PARP8: variants seen among roughly 807,000 people sequenced by gnomAD.
The protein encoded by PARP8 is protein mono-ADP-ribosyltransferase PARP8.
Under a neutral mutation model 124.1 loss-of-function variants are expected in PARP8, and 51 were observed. That is an observed-to-expected ratio of 0.41 (90% CI 0.33 to 0.52). PARP8 has a LOEUF of 0.52. Ranked by LOEUF, PARP8 falls within the 20% of genes least tolerant of loss-of-function variation. PARP8 has a pLI of 0.21. For missense variants in PARP8, 860 were observed against 1,018.9 expected, an observed-to-expected ratio of 0.84 and a Z score of 2.12; for synonymous variants, 391 against 361.5, an observed-to-expected ratio of 1.08 and a Z score of -0.93.
chr5:50,774,332 G>A (rs1474986074), intron 7 of PARP8, among the ~76,000 whole-genome samples: 6 of 152,088 alleles, frequency 3.9e-5, no homozygotes, highest in South Asian at 2.1e-4. Flanking sequence ...ATCATGGCCC[G>A]TTCTCGATGG....
chr5:50,679,544 C>A (rs927268557), intron 2 of PARP8, among the ~76,000 whole-genome samples: 11 of 152,146 alleles, frequency 7.2e-5, no homozygotes, highest in African/African-American at 2.7e-4. Flanking sequence ...GGCCACCCTC[C>A]CATATCCTTA....
intron 2 of PARP8, among the ~76,000 whole-genome samples, chr5:50,734,422 A>G (rs1339116345): frequency 1.3e-5 from 2 of 152,166 alleles, no homozygotes; most frequent in Non-Finnish European, 2.9e-5. Context: ...TGGAGAACTA[A>G]AGTCATGAGG....
At chr5:50,668,791 A>G (rs1749664623) in intron 2 of PARP8, 1 of 152,304 alleles carries the variant, frequency 6.6e-6, no homozygotes, top group African/African-American at 2.4e-5. Context: ...CCATTCAAAT[A>G]CTATGCCTTG....
intron 10 of PARP8, among the ~76,000 whole-genome samples, chr5:50,789,414 C>T (rs112656118): frequency 2.0e-5 from 3 of 152,212 alleles, no homozygotes; most frequent in African/African-American, 7.2e-5. Context: ...AGGCACAGAA[C>T]TTTGGGACCC....
chr5:50,774,750 C>T (rs1261367234), intron 7 of PARP8, among the ~76,000 whole-genome samples: 23 of 133,688 alleles, frequency 1.7e-4, no homozygotes, highest in African/African-American at 4.3e-4. Context: ...GGGGCAGAGG[C>T]GCTCCTCACT....
intron 15 of PARP8, among the ~76,000 whole-genome samples, chr5:50,820,573 C>T (rs940340301): frequency 6.6e-6 from 1 of 152,148 alleles, no homozygotes; most frequent in African/African-American, 2.4e-5. Context: ...CATTAGTGGA[C>T]TTGGATAGAG....
chr5:50,779,377 T>C (rs1248413077), intron 9 of PARP8, among the ~76,000 whole-genome samples: 1 of 152,184 alleles, frequency 6.6e-6, no homozygotes, highest in African/African-American at 2.4e-5. Flanking sequence ...TTTGCAGTTA[T>C]GTGTGGGTGG....
chr5:50,747,166 T>TTTTTTTTTTTTTTTTTG (rs1758666870), intron 2 of PARP8, among the ~76,000 whole-genome samples: 1 of 141,782 alleles, frequency 7.1e-6, no homozygotes, highest in African/African-American at 2.6e-5. Flanking sequence ...TTGTTTTGTT[T>TTTTTTTTTTTTTTTTTG]TTTTTTTTTT....
intron 2 of PARP8, among the ~76,000 whole-genome samples, chr5:50,725,587 C>A (rs1756344082): frequency 6.6e-6 from 1 of 152,104 alleles, no homozygotes; most frequent in African/African-American, 2.4e-5. Context: ...TTCATGTGTT[C>A]ACTGCTAATA....
chr5:50,781,780 A>G (rs576840560), intron 9 of PARP8, among the ~76,000 whole-genome samples: 107 of 151,910 alleles, frequency 7.0e-4, no homozygotes, highest in Non-Finnish European at 1.1e-3. Context: ...TGGCCTAGCT[A>G]CTCTGTTTCA....
At chr5:50,726,885 G>A (rs555669613) in intron 2 of PARP8, among the ~76,000 whole-genome samples, 1 of 152,166 alleles carries the variant, frequency 6.6e-6, no homozygotes, top group African/African-American at 2.4e-5. Flanking sequence ...TTGTATTTTA[G>A]AATAACACAT....
At chr5:50,690,023 T>C (rs1752328865) in intron 2 of PARP8, among the ~76,000 whole-genome samples, 1 of 152,212 alleles carries the variant, frequency 6.6e-6, no homozygotes, top group Non-Finnish European at 1.5e-5. Context: ...GCTCTTCTAC[T>C]TCTCTGTGAA....
rs951741563 is a variant in PARP8 at position 50,712,058 on chromosome 5, A to G, written c.147-38093A>G. 3.3e-5 allele frequency among the ~76,000 whole-genome samples: 5 copies of G among 152,142 alleles called. No individual in the cohort carries two copies. In the South Asian group the frequency reaches 6.2e-4, roughly 19 times the overall value. ...TTCTGACAGATATTTATGGTGCAAT[A>G]TAAGTTTATTCTTTATCAATTTTAA... On this transcript the variant is annotated intron_variant, in intron 2 of 25. Coordinates refer to ENST00000281631, the MANE Select transcript of PARP8 (RefSeq NM_024615.4).
chr5:50,673,542 G>A (rs1750279928), intron 2 of PARP8, among the ~76,000 whole-genome samples: 1 of 152,092 alleles, frequency 6.6e-6, no homozygotes, highest in African/African-American at 2.4e-5. Flanking sequence ...AGAGGCTTGG[G>A]TGATTTAAGT....
intron 14 of PARP8, among the ~76,000 whole-genome samples, chr5:50,800,778 CA>C (rs1411153128): frequency 7.4e-6 from 1 of 135,814 alleles, no homozygotes; most frequent in African/African-American, 2.7e-5. Context: ...TTTTTTGAAA[CA>C]GGGGTCTTAC....
At chr5:50,806,528 A>G (rs1377333237) in intron 14 of PARP8, among the ~76,000 whole-genome samples, 6 of 152,090 alleles carry the variant, frequency 3.9e-5, no homozygotes, top group Admixed American at 1.3e-4. Context: ...TTTATAAGCA[A>G]GAGAGAAAAC....
chr5:50,785,177 T>G (rs1159797097), intron 9 of PARP8, among the ~76,000 whole-genome samples: 3 of 152,150 alleles, frequency 2.0e-5, no homozygotes, highest in African/African-American at 7.2e-5. Context: ...TCATTTAGAT[T>G]TTATGCTATT....
chr5:50,818,109 T>C (rs964066155), intron 15 of PARP8, among the ~76,000 whole-genome samples: 1 of 151,872 alleles, frequency 6.6e-6, no homozygotes. Context: ...GCATGCATCA[T>C]ATATACTAAG....
chr5:50,673,562 T>G (rs1227345535), intron 2 of PARP8, among the ~76,000 whole-genome samples: 6 of 152,134 alleles, frequency 3.9e-5, no homozygotes, highest in African/African-American at 1.2e-4. Flanking sequence ...TAAGTTACAG[T>G]TAGTAAGAGC....
Sources: allele counts gnomAD v4.1 joint callset (sites outside exome capture counted in the v4.1 genomes callset), GRCh38; gene constraint gnomAD v4.1.1; transcripts MANE v1.5; gene names NCBI Gene and HGNC (gene_info 2026-07-23, HGNC 2026-07-21).